Variants in MARK2 observed in about 807,000 individuals in gnomAD.
MARK2 encodes serine/threonine-protein kinase MARK2.
In MARK2, 16 loss-of-function variants were observed where a neutral mutation model predicts 89.8. The ratio of observed to expected loss-of-function variants is 0.18; its 90% CI spans 0.12 to 0.27. The LOEUF (loss-of-function observed/expected upper bound fraction) is 0.27. MARK2 is among the 10% of genes least tolerant of loss of function. MARK2 has a pLI of 1.00. For synonymous variants in MARK2, 382 were observed against 399.5 expected (o/e 0.96, Z 0.52); for missense variants, 621 against 1,049.9 (o/e 0.59, Z 5.65).
chr11:63,894,764 G>C (rs367569544), intron 1 of MARK2, among the ~76,000 whole-genome samples: 6 of 152,210 alleles, frequency 3.9e-5, no homozygotes, highest in Non-Finnish European at 7.3e-5. Context: ...CGTTGAAGCA[G>C]TTATGACCAT....
At position 63,890,827 on chromosome 11, in the gene MARK2, TA is replaced by T. The variant is rs535297557; in HGVS notation, c.55-4331del. Among the ~76,000 whole-genome samples the T allele has an allele frequency of 1.2e-4, 19 of 152,348 alleles. No homozygotes were observed. In the East Asian group the frequency reaches 3.7e-3, roughly 29 times the overall value. ...TGCTCTTTCATCTACCTGTGTAAAG[TA>T]GGGAATGTTTATTGCCACTTTACAG... On this transcript the variant is annotated intron_variant, in intron 1 of 18. Transcript: ENST00000402010.
At chr11:63,887,279 T>C (rs759188854) in intron 1 of MARK2, among the ~76,000 whole-genome samples, 3 of 152,190 alleles carry the variant, frequency 2.0e-5, no homozygotes, top group Non-Finnish European at 2.9e-5. Context: ...GCTGAAATGG[T>C]GACAAAAGCT....
intron 1 of MARK2, among the ~76,000 whole-genome samples, chr11:63,851,674 T>TC (rs978150653): frequency 6.6e-6 from 1 of 152,198 alleles, no homozygotes; most frequent in Non-Finnish European, 1.5e-5. Context: ...CCGTCTGAGA[T>TC]CTCCTTCAGG....
At chr11:63,851,672 G>A (rs2016578982) in intron 1 of MARK2, among the ~76,000 whole-genome samples, 1 of 152,048 alleles carries the variant, frequency 6.6e-6, no homozygotes, top group Non-Finnish European at 1.5e-5. Flanking sequence ...CTCCGTCTGA[G>A]ATCTCCTTCA....
intron 1 of MARK2, among the ~76,000 whole-genome samples, chr11:63,874,435 C>T (rs909109608): frequency 5.9e-5 from 9 of 152,066 alleles, no homozygotes; most frequent in Non-Finnish European, 1.0e-4. Context: ...TTTTTAGGGA[C>T]CTTATGTTGC....
intron 1 of MARK2, among the ~76,000 whole-genome samples, chr11:63,862,178 G>C (rs1459022066): frequency 1.3e-5 from 2 of 151,974 alleles, no homozygotes; most frequent in Admixed American, 1.3e-4. Context: ...ACCCATCTCA[G>C]CTTCCCAAAG....
intron 1 of MARK2, among the ~76,000 whole-genome samples, chr11:63,889,161 C>T (rs1414604523): frequency 6.6e-6 from 1 of 152,026 alleles, no homozygotes; most frequent in Non-Finnish European, 1.5e-5. Context: ...AAGGGTCTCC[C>T]CTGAGAACAA....
At chr11:63,839,797 A>C (rs2015914014) in intron 1 of MARK2, among the ~76,000 whole-genome samples, 2 of 147,658 alleles carry the variant, frequency 1.4e-5, no homozygotes, top group African/African-American at 5.0e-5. Context: ...GTCTCCCCTC[A>C]CCGCCCTCCT....
At position 63,892,726 on chromosome 11, in the gene MARK2, A is replaced by ATTTT. The variant is rs11412283; in HGVS notation, c.55-2418_55-2415dup. ...AATCAGGAGTTAGACCAGACTCTGC[A>ATTTT]TTTTTTTTTTTTTTTTTTGAGACAG... On this transcript the variant is annotated intron_variant, in intron 1 of 18. Coordinates refer to ENST00000402010, the MANE Select transcript of MARK2 (RefSeq NM_001039469.3). 4.8e-3 allele frequency among the ~76,000 whole-genome samples: 581 copies of ATTTT among 122,102 alleles called. 13 individuals carry two copies. Among genetic ancestry groups the ATTTT allele is most frequent in the African/African-American group, 0.017 (530 of 31,890 alleles). The allele number at this position is 122,102 out of a possible 152,430, so 80.1% of individuals were successfully genotyped here. A position where few individuals can be genotyped will look rare whatever the true frequency, so the allele number is the denominator to read the frequency against.
chr11:63,839,394 G>A lies in MARK2; in HGVS notation c.-113G>A. On this transcript the variant is annotated 5_prime_UTR_variant, in exon 1 of 19. Transcript: ENST00000402010. The stretch of plus-strand genomic sequence containing the variant: ...CGGCCTCCCCGCACCCCCGGCCGGG[G>A]CCCATGCGGCGGGTGCTCCTGCTGT... 4.7e-6 allele frequency: 3 copies of A among 637,300 alleles called. No individual in the cohort carries two copies. The highest frequency in any genetic ancestry group is 5.5e-6 in the Non-Finnish European group (2 of 365,716). The allele number at this position is 637,300 out of a possible 1,614,324, so 39.5% of individuals were successfully genotyped here. A position where few individuals can be genotyped will look rare whatever the true frequency, so the allele number is the denominator to read the frequency against.
intron 1 of MARK2, among the ~76,000 whole-genome samples, chr11:63,854,843 G>C (rs1330596691): frequency 6.7e-6 from 1 of 150,202 alleles, no homozygotes; most frequent in Non-Finnish European, 1.5e-5. Flanking sequence ...GGTATTCCAA[G>C]TGAGGAAATA....
chr11:63,862,200 C>T (rs1854078800), intron 1 of MARK2, among the ~76,000 whole-genome samples: 1 of 149,274 alleles, frequency 6.7e-6, no homozygotes, highest in Non-Finnish European at 1.5e-5. Flanking sequence ...GCTGGGATTA[C>T]AGGCATGAGC....
In MARK2 at chr11:63,904,421, T is replaced by C. The variant is rs1941156185; in HGVS notation, c.1676+274T>C. On this transcript the variant is annotated intron_variant, in intron 15 of 18. Transcript: ENST00000402010. The surrounding 1 kb of genome is among the most constrained non-coding windows in gnomAD (Gnocchi z 6.3). ...TTGTTCTGAACCTTCCAGGGTTTCC[T>C]TAGGGACCCCGGGGATAGTCGGCAT... 6.6e-6 allele frequency among the ~76,000 whole-genome samples: 1 copy of C among 152,154 alleles called. No individual in the cohort carries two copies. Among genetic ancestry groups the C allele is most frequent in the Non-Finnish European group, 1.5e-5 (1 of 68,022 alleles).
chr11:63,860,547 CA>C (rs758490977), intron 1 of MARK2, among the ~76,000 whole-genome samples: 1,163 of 113,624 alleles, frequency 0.01, 14 homozygotes, highest in African/African-American at 0.03. Flanking sequence ...GACTCCCTCT[CA>C]AAAAAAAAAA....
At chr11:63,860,370 G>A (rs1487992647) in intron 1 of MARK2, among the ~76,000 whole-genome samples, 3 of 151,592 alleles carry the variant, frequency 2.0e-5, no homozygotes, top group African/African-American at 7.3e-5. Flanking sequence ...TGGCCAACAT[G>A]GTGAAACCCC....
intron 1 of MARK2, among the ~76,000 whole-genome samples, chr11:63,892,700 T>C (rs983479622): frequency 5.3e-5 from 8 of 149,602 alleles, no homozygotes; most frequent in Non-Finnish European, 1.2e-4. Flanking sequence ...ACCAGGGCGC[T>C]AATCAGGAGT....
chr11:63,888,537 C>T, intron 1 of MARK2: 2 of 1,021,888 alleles, frequency 2.0e-6, no homozygotes, highest in Non-Finnish European at 1.2e-6. Flanking sequence ...CCGCCTCTTT[C>T]TCTGTCTCCC....
At chr11:63,869,532 G>A (rs1938331044) in intron 1 of MARK2, among the ~76,000 whole-genome samples, 1 of 152,120 alleles carries the variant, frequency 6.6e-6, no homozygotes, top group Non-Finnish European at 1.5e-5. Context: ...TATGTGGAGA[G>A]TCTGGGAGGG....
intron 1 of MARK2, among the ~76,000 whole-genome samples, chr11:63,849,344 A>G (rs2016447265): frequency 6.6e-6 from 1 of 152,212 alleles, no homozygotes; most frequent in South Asian, 2.1e-4. Context: ...TCCTTAGGCC[A>G]GCTCCATCTC....
Sources: gnomAD v4.1 joint callset for allele counts (sites outside exome capture counted in the v4.1 genomes callset) on GRCh38, gnomAD v4.1.1 for gene constraint, Gnocchi (gnomAD v3.1) non-coding constraint, MANE v1.5 for transcripts, NCBI Gene and HGNC (gene_info 2026-07-23, HGNC 2026-07-21) for gene names.